The following GABRB2 variants were observed in gnomAD, a reference collection of about 807,000 sequenced individuals.
GABRB2 encodes gamma-aminobutyric acid type A receptor subunit beta2, also known as gamma-aminobutyric acid receptor subunit beta-2.
Under a neutral mutation model 54.7 loss-of-function variants are expected in GABRB2, and 16 were observed. The observed-to-expected ratio is 0.29, with a 90% CI of 0.20 to 0.44. The LOEUF is 0.44. GABRB2 is among the 20% of genes least tolerant of loss of function. The pLI, the probability that GABRB2 is intolerant of heterozygous loss-of-function variation, is 1.00. For synonymous variants in GABRB2, 244 were observed against 233.8 expected, an observed-to-expected ratio of 1.04 and a Z score of -0.40; for missense variants, 355 against 644.0, an observed-to-expected ratio of 0.55 and a Z score of 4.86.
At chr5:161,519,685 G>A (rs1163179862) in intron 3 of GABRB2, among the ~76,000 whole-genome samples, 1 of 152,080 alleles carries the variant, frequency 6.6e-6, no homozygotes, top group Non-Finnish European at 1.5e-5. Flanking sequence ...TTAAAGGAAT[G>A]GGACTAAATT....
chr5:161,457,595 G>A lies in GABRB2; in HGVS notation c.458+2029C>T, dbSNP rs541288408. Among the ~76,000 whole-genome samples the A allele has an allele frequency of 5.9e-4, 90 of 151,848 alleles. 1 individual carries two copies. In the Middle Eastern group the frequency reaches 0.01, roughly 17 times the overall value. ...CGAGTAGCTGGGACTACAGGCCCCC[G>A]CCACTACGCCCAGCAAATTTTTTTT... On this transcript the variant is annotated intron_variant, in intron 4 of 9. Coordinates refer to ENST00000393959, the MANE Select transcript of GABRB2 (RefSeq NM_001371727.1).
intron 5 of GABRB2, among the ~76,000 whole-genome samples, chr5:161,358,882 C>G (rs185609448): frequency 6.6e-6 from 1 of 152,116 alleles, no homozygotes; most frequent in African/African-American, 2.4e-5. Context: ...TTTCCAGCAA[C>G]GTCCAAGGCC....
At chr5:161,465,607 A>G (rs1274754461) in intron 3 of GABRB2, among the ~76,000 whole-genome samples, 6 of 152,104 alleles carry the variant, frequency 3.9e-5, no homozygotes, top group Non-Finnish European at 5.9e-5. Context: ...TAAAAATTAC[A>G]TACTGTAAAA....
intron 5 of GABRB2, among the ~76,000 whole-genome samples, chr5:161,401,393 G>A (rs1327174126): frequency 2.6e-4 from 40 of 152,044 alleles, no homozygotes; most frequent in Non-Finnish European, 1.5e-4. Flanking sequence ...ACAGGAATGC[G>A]TAGAATATTA....
intron 3 of GABRB2, among the ~76,000 whole-genome samples, chr5:161,528,261 G>A (rs1303504892): frequency 7.2e-5 from 11 of 151,748 alleles, no homozygotes; most frequent in Non-Finnish European, 1.0e-4. Flanking sequence ...TACTGTGATC[G>A]TTTTGCTAAC....
chr5:161,447,115 T>C (rs2113224994), intron 4 of GABRB2, among the ~76,000 whole-genome samples: 1 of 152,280 alleles, frequency 6.6e-6, no homozygotes, highest in East Asian at 1.9e-4. Context: ...TTACAAGCAT[T>C]TTTTTGTAGC....
In GABRB2 at chr5:161,331,020, C is replaced by G; in HGVS notation, c.940G>C (p.Val314Leu). Residue 314 changes from valine to leucine, a missense_variant, in exon 8 of 10, where the codon GTC (valine) becomes CTC (leucine). Val to Leu is a conservative substitution (Grantham distance 32). Around this residue, in one of 6 missense-constraint regions of GABRB2, gnomAD observed 25 missense variants for 137.4 expected, o/e 0.18. Transcript: ENST00000393959. ...TCCAGAAGGGCCATGAAAACGAAGA[C>G]AAAGCACCCCATCAGGTACATGTCA... The part of the protein sequence containing the change: ...AIDMYLMGCF[V>L]FVFMALLEYA... 6.2e-7 allele frequency: 1 copy of G among 1,614,116 alleles called. No individual in the cohort carries two copies. The highest frequency in any genetic ancestry group is 8.5e-7 in the Non-Finnish European group (1 of 1,180,018).
chr5:161,370,965 C>CA (rs1755113733), intron 5 of GABRB2, among the ~76,000 whole-genome samples: 1 of 152,110 alleles, frequency 6.6e-6, no homozygotes, highest in East Asian at 1.9e-4. Flanking sequence ...ACCTGTTTTT[C>CA]AAAAAATCAT....
At chr5:161,313,548 C>T (rs908501192) in intron 9 of GABRB2, among the ~76,000 whole-genome samples, 2 of 149,622 alleles carry the variant, frequency 1.3e-5, no homozygotes, top group African/African-American at 2.5e-5. Context: ...GACTGACTGC[C>T]GTTAGACTGA....
chr5:161,421,839 T>C (rs1756863752), intron 4 of GABRB2, among the ~76,000 whole-genome samples: 1 of 152,218 alleles, frequency 6.6e-6, no homozygotes, highest in African/African-American at 2.4e-5. Context: ...TGAGCTATGA[T>C]GAGCTGAAAT....
intron 5 of GABRB2, among the ~76,000 whole-genome samples, chr5:161,364,984 G>C (rs1754933019): frequency 6.6e-6 from 1 of 151,930 alleles, no homozygotes; most frequent in African/African-American, 2.4e-5. Flanking sequence ...ATTTTCCTGT[G>C]GTCCTTAATC....
At chr5:161,411,597 C>T (rs1403113534) in intron 4 of GABRB2, among the ~76,000 whole-genome samples, 1 of 152,034 alleles carries the variant, frequency 6.6e-6, no homozygotes, top group Non-Finnish European at 1.5e-5. Flanking sequence ...TTTATCTATA[C>T]CTGATTTCTG....
intron 9 of GABRB2, among the ~76,000 whole-genome samples, chr5:161,305,777 G>C (rs1434433258): frequency 6.6e-6 from 1 of 152,254 alleles, no homozygotes; most frequent in Non-Finnish European, 1.5e-5. Flanking sequence ...CAAGACTGGA[G>C]ACAGTCCAGT....
At chr5:161,477,284 CAAAAAA>C (rs70990786) in intron 3 of GABRB2, among the ~76,000 whole-genome samples, 6 of 127,844 alleles carry the variant, frequency 4.7e-5, no homozygotes, top group Non-Finnish European at 8.5e-5. Flanking sequence ...CAAACAAAAG[CAAAAAA>C]AAAAAAAAAA....
chr5:161,525,516 C>T (rs1403217276), intron 3 of GABRB2, among the ~76,000 whole-genome samples: 3 of 151,174 alleles, frequency 2.0e-5, no homozygotes, highest in Non-Finnish European at 4.4e-5. Context: ...AAAGACCACA[C>T]TTCTCTTGAT....
intron 3 of GABRB2, among the ~76,000 whole-genome samples, chr5:161,500,467 C>T (rs1251927326): frequency 2.0e-5 from 3 of 152,022 alleles, no homozygotes; most frequent in African/African-American, 7.2e-5. Context: ...TATTAAGTGC[C>T]TATTATTTTG....
chr5:161,377,255 T>C (rs1288872236), intron 5 of GABRB2, among the ~76,000 whole-genome samples: 2 of 152,078 alleles, frequency 1.3e-5, no homozygotes, highest in Admixed American at 6.6e-5. Context: ...GGAATCAGCT[T>C]TTGTAGCCCA....
chr5:161,361,599 A>G (rs942582926), intron 5 of GABRB2, among the ~76,000 whole-genome samples: 1 of 152,202 alleles, frequency 6.6e-6, no homozygotes, highest in African/African-American at 2.4e-5. Flanking sequence ...AGGAAAAAAG[A>G]CAAGAGAATT....
intron 5 of GABRB2, among the ~76,000 whole-genome samples, chr5:161,374,190 G>T (rs1173860634): frequency 6.6e-6 from 1 of 151,948 alleles, no homozygotes; most frequent in Non-Finnish European, 1.5e-5. Flanking sequence ...ATGATCCGTT[G>T]GCCTCGGCCT....
Sources: allele counts gnomAD v4.1 joint callset (sites outside exome capture counted in the v4.1 genomes callset), GRCh38; gene constraint gnomAD v4.1.1; regional missense constraint gnomAD v4.1.1; transcripts MANE v1.5; gene names NCBI Gene and HGNC (gene_info 2026-07-23, HGNC 2026-07-21).